Variants in CA8 observed in about 807,000 individuals in gnomAD.
The protein encoded by CA8 is carbonic anhydrase-related protein.
CA8 carries 22 observed loss-of-function variants against 41.4 expected under a neutral mutation model. That is an observed-to-expected ratio of 0.53 (90% CI 0.38 to 0.76). CA8 has a LOEUF of 0.76. Among genes scored for constraint, CA8 ranks in the 30% least tolerant of loss-of-function variants. CA8 has a pLI of 0.00. For synonymous variants in CA8, 121 were observed against 130.6 expected (o/e 0.93, Z 0.50); for missense variants, 270 against 352.8 (o/e 0.77, Z 1.88).
At chr8:60,213,582 C>T (rs1806914787) in intron 7 of CA8, among the ~76,000 whole-genome samples, 1 of 152,212 alleles carries the variant, frequency 6.6e-6, no homozygotes, top group Non-Finnish European at 1.5e-5. Context: ...TTGGCTTGTC[C>T]AATCTGAGAT....
At chr8:60,208,980 T>C in intron 7 of CA8, 61 bp from the exon 8 acceptor site, 1 of 1,538,848 alleles carries the variant, frequency 6.5e-7, no homozygotes, top group South Asian at 1.1e-5. Flanking sequence ...AAGATTGGAG[T>C]TTCATAAATG....
intron 7 of CA8, among the ~76,000 whole-genome samples, chr8:60,213,393 G>A (rs1243714751): frequency 5.3e-5 from 8 of 152,166 alleles, no homozygotes; most frequent in Non-Finnish European, 8.8e-5. Flanking sequence ...CACAACCACA[G>A]GGAAAGTGCT....
chr8:60,221,788 A>AT (rs1001520048), intron 7 of CA8, among the ~76,000 whole-genome samples: 11 of 151,714 alleles, frequency 7.3e-5, no homozygotes, highest in East Asian at 1.9e-4. Flanking sequence ...TGGAAGAAGG[A>AT]TTTTTTTTTA....
intron 4 of CA8, among the ~76,000 whole-genome samples, chr8:60,228,537 TTTGCAC>T (rs1469142530): frequency 5.9e-5 from 9 of 152,192 alleles, no homozygotes; most frequent in African/African-American, 9.7e-5. Flanking sequence ...ACAGGCTCAC[TTTGCAC>T]TGGACTGCCT....
chr8:60,279,586 T>A, intron 2 of CA8, 103 bp downstream of exon 2: 1 of 976,142 alleles, frequency 1.0e-6, no homozygotes, highest in Non-Finnish European at 1.6e-6. Flanking sequence ...AAAATAGAGA[T>A]ACGTCAGTTG....
rs190698701 is a variant in CA8, at chr8:60,259,862, T to C, written c.417+6063A>G. ...ACACAGGCTCAATCTGCTAGCTCTATAGGAGATTCCAGGATACCAAATAAT... is the reference window on the plus strand; with the variant it reads ...ACACAGGCTCAATCTGCTAGCTCTACAGGAGATTCCAGGATACCAAATAAT... On this transcript the variant is annotated intron_variant, in intron 3 of 8. Coordinates refer to ENST00000317995, the MANE Select transcript of CA8 (RefSeq NM_004056.6). Among the ~76,000 whole-genome samples, 618 of 152,154 alleles carry C rather than the reference T, an allele frequency of 4.1e-3. 2 individuals are homozygous for C. Among genetic ancestry groups the C allele is most frequent in the Non-Finnish European group, 5.7e-3 (387 of 67,988 alleles).
intron 8 of CA8, among the ~76,000 whole-genome samples, chr8:60,197,524 A>C (rs1806315058): frequency 6.6e-6 from 1 of 152,176 alleles, no homozygotes; most frequent in Admixed American, 6.5e-5. Flanking sequence ...CCTTCTTTTA[A>C]GTGATGAAAC....
At chr8:60,209,242 T>C (rs1207094321) in intron 7 of CA8, among the ~76,000 whole-genome samples, 3 of 152,182 alleles carry the variant, frequency 2.0e-5, no homozygotes, top group African/African-American at 7.2e-5. Context: ...TCCCATCACT[T>C]TGGGTGGCCA....
intron 3 of CA8, among the ~76,000 whole-genome samples, chr8:60,254,450 T>G (rs1029306198): frequency 6.6e-6 from 1 of 152,164 alleles, no homozygotes; most frequent in Non-Finnish European, 1.5e-5. Flanking sequence ...TCAGTTAGAA[T>G]AGAAAACAGC....
At chr8:60,210,803 T>C (rs1009214080) in intron 7 of CA8, among the ~76,000 whole-genome samples, 2 of 152,208 alleles carry the variant, frequency 1.3e-5, no homozygotes, top group Admixed American at 6.5e-5. Context: ...AATCAGCTGT[T>C]TAATCTACTT....
chr8:60,190,435 ATATATAT>A (rs1250373821), intron 8 of CA8, among the ~76,000 whole-genome samples: 8 of 1,856 alleles, frequency 4.3e-3, no homozygotes, highest in Non-Finnish European at 7.3e-3. Context: ...AATGCAGAAT[ATATATAT>A]ATATATATAT....
At chr8:60,214,083 G>T (rs1050713019) in intron 7 of CA8, among the ~76,000 whole-genome samples, 1 of 152,192 alleles carries the variant, frequency 6.6e-6, no homozygotes, top group East Asian at 1.9e-4. Flanking sequence ...ACATGCTCAA[G>T]TCTGAAAACC....
chr8:60,218,280 T>C (rs7462276), intron 7 of CA8, among the ~76,000 whole-genome samples: 15,946 of 151,860 alleles, frequency 0.11, 974 homozygotes, highest in East Asian at 0.18. Context: ...TACCATCCCA[T>C]AGCGCTGGAC....
intron 7 of CA8, among the ~76,000 whole-genome samples, chr8:60,221,564 C>T (rs970512456): frequency 1.3e-5 from 2 of 152,044 alleles, no homozygotes; most frequent in African/African-American, 4.8e-5. Flanking sequence ...AAACCCATAC[C>T]CCTAATCTAA....
intron 8 of CA8, among the ~76,000 whole-genome samples, chr8:60,199,193 C>T (rs182523653): frequency 1.8e-3 from 275 of 152,274 alleles, no homozygotes; most frequent in Non-Finnish European, 2.8e-3. Context: ...TAACACTTTA[C>T]AGGTAGAATA....
intron 8 of CA8, among the ~76,000 whole-genome samples, chr8:60,203,798 GACTT>G (rs1014640955): frequency 5.3e-5 from 8 of 152,084 alleles, no homozygotes; most frequent in Non-Finnish European, 7.4e-5. Context: ...TTCAGTTGGA[GACTT>G]ACTAACAAAA....
chr8:60,222,385 T>C (rs1404965056), intron 7 of CA8, among the ~76,000 whole-genome samples: 1 of 152,226 alleles, frequency 6.6e-6, no homozygotes, highest in Non-Finnish European at 1.5e-5. Context: ...AGGAAATAAC[T>C]AGACTAATAA....
intron 7 of CA8, among the ~76,000 whole-genome samples, chr8:60,211,407 T>C (rs868341221): frequency 6.6e-6 from 1 of 152,348 alleles, no homozygotes; most frequent in Middle Eastern, 3.4e-3. Flanking sequence ...CATGTAATCA[T>C]ACTTAATACC....
intron 7 of CA8, among the ~76,000 whole-genome samples, chr8:60,212,113 T>A (rs1195709369): frequency 6.6e-6 from 1 of 152,196 alleles, no homozygotes; most frequent in Non-Finnish European, 1.5e-5. Flanking sequence ...GAAGTCGCCA[T>A]CTTCTGAAGG....
Sources: allele counts gnomAD v4.1 joint callset (sites outside exome capture counted in the v4.1 genomes callset), GRCh38; gene constraint gnomAD v4.1.1; transcripts MANE v1.5; gene names NCBI Gene and HGNC (gene_info 2026-07-23, HGNC 2026-07-21).